PRKD1: variants seen among roughly 807,000 people sequenced by gnomAD.
PRKD1 encodes protein kinase D1.
A neutral mutation model predicts 95.9 loss-of-function variants in PRKD1; 63 were observed. The ratio of observed to expected loss-of-function variants is 0.66; its 90% CI spans 0.54 to 0.81. The LOEUF (loss-of-function observed/expected upper bound fraction) is 0.81. Among genes scored for constraint, PRKD1 ranks in the 30% least tolerant of loss-of-function variants. PRKD1 has a pLI of 0.00. For missense variants in PRKD1, 1,048 were observed against 1,165.3 expected, an observed-to-expected ratio of 0.90 and a Z score of 1.47; for synonymous variants, 425 against 423.1, an observed-to-expected ratio of 1.00 and a Z score of -0.05.
intron 16 of PRKD1, among the ~76,000 whole-genome samples, chr14:29,596,922 T>A (rs1046977972): frequency 1.1e-4 from 16 of 152,150 alleles, no homozygotes; most frequent in African/African-American, 3.9e-4. Flanking sequence ...ACTGTCAAGG[T>A]AATCTATTCT....
chr14:29,891,301 TTTTG>T (rs1893929169), intron 1 of PRKD1, among the ~76,000 whole-genome samples: 1 of 152,176 alleles, frequency 6.6e-6, no homozygotes, highest in African/African-American at 2.4e-5. Flanking sequence ...GGAGTGGCTT[TTTTG>T]TTTGTTTTTT....
intron 12 of PRKD1, among the ~76,000 whole-genome samples, chr14:29,625,517 T>C (rs1879560721): frequency 6.6e-6 from 1 of 152,166 alleles, no homozygotes; most frequent in Non-Finnish European, 1.5e-5. Context: ...GCATTATGTA[T>C]ATTTACCATG....
At chr14:29,774,951 C>T (rs1223205414) in intron 1 of PRKD1, among the ~76,000 whole-genome samples, 1 of 152,012 alleles carries the variant, frequency 6.6e-6, no homozygotes, top group East Asian at 1.9e-4. Flanking sequence ...GACTATTTAC[C>T]AAGAAGTTGT....
In PRKD1 at chr14:29,927,392, G is replaced by C. The variant is rs754744487; in HGVS notation, c.121C>G (p.Pro41Ala). The change falls in exon 1 of 18, where the codon CCT (proline) becomes GCT (alanine). Residue 41 changes from proline (P) to alanine (A), a missense_variant. Transcript: ENST00000331968. Reference protein sequence around the residue: ...SGPGPAPFLAPVAAPVGGISF... With the variant: ...SGPGPAPFLAAVAAPVGGISF... ...ATGCCCCCGACCGGGGCCGCGACAG[G>C]AGCCAAGAACGGCGCGGGCCCGGGC... The C allele has an allele frequency of 1.9e-6, 3 of 1,549,294 alleles. No individual in the cohort carries two copies. The highest frequency in any genetic ancestry group is 1.2e-5 in the South Asian group (1 of 84,398).
chr14:29,595,947 C>G (rs1355562885), intron 16 of PRKD1, among the ~76,000 whole-genome samples: 2 of 152,218 alleles, frequency 1.3e-5, no homozygotes, highest in South Asian at 2.1e-4. Context: ...TGATAATTCT[C>G]TCTGTCTCCT....
intron 1 of PRKD1, among the ~76,000 whole-genome samples, chr14:29,780,759 T>C (rs1889006575): frequency 6.6e-6 from 1 of 152,118 alleles, no homozygotes; most frequent in Admixed American, 6.6e-5. Flanking sequence ...GAACTAGAAA[T>C]ACCATTTGAC....
intron 1 of PRKD1, among the ~76,000 whole-genome samples, chr14:29,869,454 A>C (rs977317736): frequency 6.6e-6 from 1 of 152,032 alleles, no homozygotes; most frequent in Non-Finnish European, 1.5e-5. Context: ...AAAAAAAAAA[A>C]AAGAAGAAAG....
chr14:29,602,924 T>C (rs1893575330), intron 13 of PRKD1, among the ~76,000 whole-genome samples: 1 of 152,214 alleles, frequency 6.6e-6, no homozygotes, highest in Non-Finnish European at 1.5e-5. Flanking sequence ...TGTCAACTAT[T>C]TTGTGCCATG....
intron 1 of PRKD1, among the ~76,000 whole-genome samples, chr14:29,887,779 G>A (rs952458524): frequency 6.6e-6 from 1 of 152,180 alleles, no homozygotes; most frequent in African/African-American, 2.4e-5. Context: ...GTAATGTGCT[G>A]TACAGTTATA....
intron 10 of PRKD1, among the ~76,000 whole-genome samples, chr14:29,630,192 T>C (rs1879902609): frequency 1.3e-5 from 2 of 152,130 alleles, no homozygotes; most frequent in African/African-American, 4.8e-5. Context: ...CAGGCAGGAA[T>C]GCAGTGGCTT....
intron 1 of PRKD1, among the ~76,000 whole-genome samples, chr14:29,826,971 C>T (rs1321745200): frequency 6.8e-6 from 1 of 147,400 alleles, no homozygotes; most frequent in African/African-American, 2.5e-5. Context: ...TGAAGTAACT[C>T]AGGAATGAAA....
At chr14:29,919,755 C>T (rs1427017566) in intron 1 of PRKD1, among the ~76,000 whole-genome samples, 1 of 145,568 alleles carries the variant, frequency 6.9e-6, no homozygotes, top group Non-Finnish European at 1.5e-5. Flanking sequence ...CACTTGAGCA[C>T]AGGAGTTCAA....
chr14:29,743,807 T>C lies in PRKD1; in HGVS notation c.265-18133A>G, dbSNP rs991378811. Reference sequence around the variant, plus strand: ...GCCAGCTTCTATGGGTAATTCTCAGTTCCTCACAGACATTTCAGCAGCATG... The same window carrying C: ...GCCAGCTTCTATGGGTAATTCTCAGCTCCTCACAGACATTTCAGCAGCATG... On this transcript the variant is annotated intron_variant, in intron 1 of 17. Transcript: ENST00000331968. 2.0e-5 allele frequency among the ~76,000 whole-genome samples: 3 copies of C among 152,316 alleles called. No homozygotes were observed. In the East Asian group the frequency reaches 5.8e-4, roughly 29 times the overall value.
intron 3 of PRKD1, among the ~76,000 whole-genome samples, chr14:29,664,275 T>C (rs960068874): frequency 1.3e-5 from 2 of 152,186 alleles, no homozygotes; most frequent in African/African-American, 4.8e-5. Context: ...CATAACTTGC[T>C]TGTCTACATG....
intron 12 of PRKD1, among the ~76,000 whole-genome samples, chr14:29,625,811 C>T (rs45619633): frequency 7.9e-5 from 12 of 151,852 alleles, no homozygotes; most frequent in Non-Finnish European, 7.4e-5. Context: ...AACACTAAAC[C>T]TCACCATAAG....
Position 29,672,279 on chromosome 14 carries a change from T to G in PRKD1, c.404-6071A>C, listed in dbSNP as rs969894658. Reference sequence around the variant, plus strand: ...TGGCGTGAACTTGGGAGGCAGAGCTTGCAGTGAGCCGAGATCGTGCCACTG... The same window carrying G: ...TGGCGTGAACTTGGGAGGCAGAGCTGGCAGTGAGCCGAGATCGTGCCACTG... On this transcript the variant is annotated intron_variant, in intron 2 of 17. Transcript: ENST00000331968. Among the ~76,000 whole-genome samples the G allele has an allele frequency of 6.6e-5, 10 of 151,672 alleles. No individual in the cohort carries two copies. The South Asian group carries it at 1.9e-3, about 28-fold the overall frequency.
At chr14:29,847,393 T>A (rs532004426) in intron 1 of PRKD1, among the ~76,000 whole-genome samples, 2 of 152,292 alleles carry the variant, frequency 1.3e-5, no homozygotes, top group East Asian at 3.9e-4. Context: ...CATGAGGTTC[T>A]TTTTTGGTAG....
At chr14:29,788,387 GCCTTGGAGAAGA>G (rs1889370014) in intron 1 of PRKD1, among the ~76,000 whole-genome samples, 1 of 152,090 alleles carries the variant, frequency 6.6e-6, no homozygotes, top group Non-Finnish European at 1.5e-5. Flanking sequence ...ACTATAATGT[GCCTTGGAGAAGA>G]CCTTTTGGAA....
chr14:29,911,367 T>C (rs184094962), intron 1 of PRKD1, among the ~76,000 whole-genome samples: 350 of 152,326 alleles, frequency 2.3e-3, no homozygotes, highest in African/African-American at 7.8e-3. Flanking sequence ...TTTTAAGTTC[T>C]ACTAGAAAGA....
Sources: allele counts gnomAD v4.1 joint callset (sites outside exome capture counted in the v4.1 genomes callset), GRCh38; gene constraint gnomAD v4.1.1; transcripts MANE v1.5; gene names NCBI Gene and HGNC (gene_info 2026-07-23, HGNC 2026-07-21).